The following OBSL1 variants were observed in gnomAD, a reference collection of about 807,000 sequenced individuals.
OBSL1 encodes the protein obscurin-like protein 1.
OBSL1 carries 160 observed loss-of-function variants against 172.0 expected under a neutral mutation model. The ratio of observed to expected loss-of-function variants is 0.93; its 90% CI spans 0.82 to 1.06. The LOEUF is 1.06. Among genes scored for constraint, OBSL1 ranks in the 50% least tolerant of loss-of-function variants. The pLI is 0.00. For missense variants in OBSL1, 2,681 were observed against 2,715.4 expected, an observed-to-expected ratio of 0.99 and a Z score of 0.28; for synonymous variants, 1,200 against 1,196.3, an observed-to-expected ratio of 1.00 and a Z score of -0.06.
chr2:219,552,792 T>C, intron 17 of OBSL1, 76 bp downstream of exon 17: 1 of 1,519,998 alleles, frequency 6.6e-7, no homozygotes, highest in Non-Finnish European at 8.9e-7. Flanking sequence ...CGCGCGGTCA[T>C]CAGGGTCCGG....
In OBSL1 at chr2:219,568,903, C is replaced by A. The variant is rs368402133; in HGVS notation, c.1013-579G>T. On this transcript the variant is annotated intron_variant, in intron 1 of 20. Coordinates refer to ENST00000404537, the MANE Select transcript of OBSL1 (RefSeq NM_015311.3). This position sits in a 1 kb window ranked among gnomAD's most constrained non-coding sequence, Gnocchi z 4.1. ...CTGGGATTACAGGCAGGCGCCACCA[C>A]GCCTGGCTAATGATTTTGTATTTTT... Among the ~76,000 whole-genome samples the A allele has an allele frequency of 1.3e-5, 2 of 151,808 alleles. No individual in the cohort carries two copies. Among genetic ancestry groups the A allele is most frequent in the African/African-American group, 4.8e-5 (2 of 41,344 alleles).
At chr2:219,550,113 G>C (rs1321835101), downstream of OBSL1, 5 of 453,898 alleles carry the variant, frequency 1.1e-5, no homozygotes, top group Non-Finnish European at 2.0e-5. Flanking sequence ...TGTGTTGCCC[G>C]TGTGTCTGTG....
rs895557969 is a variant in OBSL1 at position 219,559,374 on chromosome 2, C to G, written c.3077G>C (p.Gly1026Ala). The G allele has an allele frequency of 3.1e-6, 5 of 1,614,014 alleles. No homozygotes were observed. Among genetic ancestry groups the G allele is most frequent in the Non-Finnish European group, 3.4e-6 (4 of 1,179,894 alleles). Residue 1026 changes from glycine (G) to alanine (A), a missense_variant, in exon 9 of 21, where the codon GGG becomes GCG. Coordinates refer to ENST00000404537, the MANE Select transcript of OBSL1 (RefSeq NM_015311.3). ...GGCCTCGCTCTCCTCCACTTCCAGC[C>G]CATCCTTGTACCAGCGCACAGGGGC... ...EDAPVRWYKD[G>A]LEVEESEALV...
In OBSL1 at chr2:219,552,874, C is replaced by T. The variant is rs1170611857; in HGVS notation, c.5140G>A (p.Val1714Met). 2 of 1,542,484 alleles carry T rather than the reference C, an allele frequency of 1.3e-6. No homozygotes were observed. The highest frequency in any genetic ancestry group is 2.5e-5 in the East Asian group (1 of 40,490). ...TARAGPVRLT[V>M]RERTVAVLSE... Reference sequence around the variant, plus strand: ...CACATCACCCCGTACCCACCGCGCACGGTCAGGCGGACCGGTCCGGCGCGG... The same window carrying T: ...CACATCACCCCGTACCCACCGCGCATGGTCAGGCGGACCGGTCCGGCGCGG... The change falls in exon 17 of 21, where the codon GTG becomes ATG. Residue 1714 changes from valine (V) to methionine (M), a missense_variant. Val to Met is a conservative substitution (Grantham distance 21, BLOSUM62 1). Transcript: ENST00000404537.
Position 219,571,436 on chromosome 2 carries a change from T to C in OBSL1, c.-204A>G, listed in dbSNP as rs547192660. The C allele has an allele frequency of 6.2e-3, 2,003 of 322,978 alleles. 48 individuals are homozygous for C. Among genetic ancestry groups the C allele is most frequent in the African/African-American group, 0.039 (1,792 of 46,080 alleles). The allele number at this position is 322,978 out of a possible 1,614,324, so 20.0% of individuals were successfully genotyped here. A position where few individuals can be genotyped will look rare whatever the true frequency, so the allele number is the denominator to read the frequency against. Reference sequence around the variant, plus strand: ...AGCTCTGCGGCGGCGGCGGCGGCGATTCCCGGGCCCGAAGCCTGGCGCTCA... The same window carrying C: ...AGCTCTGCGGCGGCGGCGGCGGCGACTCCCGGGCCCGAAGCCTGGCGCTCA... On this transcript the variant is annotated 5_prime_UTR_variant, in exon 1 of 21. Transcript: ENST00000404537.
At chr2:219,550,031 C>A, downstream of OBSL1, 1 of 795,648 alleles carries the variant, frequency 1.3e-6, no homozygotes. Flanking sequence ...GGAAAGCCCC[C>A]TCCCAAGCTC....
intron 6 of OBSL1, 106 bp downstream of exon 6, chr2:219,565,136 T>C: frequency 8.3e-7 from 1 of 1,207,438 alleles, no homozygotes; most frequent in South Asian, 1.6e-5. Flanking sequence ...CACTGGACTC[T>C]CCCTGTAAAG....
chr2:219,563,891 A>G (rs1696683141), intron 6 of OBSL1, among the ~76,000 whole-genome samples: 1 of 152,178 alleles, frequency 6.6e-6, no homozygotes, highest in South Asian at 2.1e-4. Context: ...AGAAGGAAGC[A>G]CAGAGAGTTC....
rs771613521 is a variant in OBSL1 at position 219,554,689 on chromosome 2, C to A, written c.4661G>T (p.Gly1554Val). 25 of 1,588,828 alleles carry A rather than the reference C, an allele frequency of 1.6e-5. No homozygotes were observed. Among genetic ancestry groups the A allele is most frequent in the Non-Finnish European group, 2.1e-5 (24 of 1,167,528 alleles). Residue 1554 changes from glycine (G) to valine (V), a missense_variant, in exon 15 of 21, where the codon GGG (glycine) becomes GTG (valine). Coordinates refer to ENST00000404537, the MANE Select transcript of OBSL1 (RefSeq NM_015311.3). Reference protein sequence around the residue: ...RPLEDVTISEGGSATFQLELS... With the variant: ...RPLEDVTISEVGSATFQLELS... ...CTCCAGCTGGAAGGTGGCACTGCCC[C>A]CCTCACTGATGGTCACGTCCTCCAG...
At chr2:219,558,135 C>T (rs774948703) in intron 10 of OBSL1, 25 bp from the exon 11 acceptor site, 4 of 1,611,408 alleles carry the variant, frequency 2.5e-6, no homozygotes, top group Admixed American at 1.7e-5. Context: ...AAGGTGTCAT[C>T]CCATGCTTGC....
chr2:219,566,369 ACT>A (rs1488456156), intron 5 of OBSL1, among the ~76,000 whole-genome samples: 1 of 151,294 alleles, frequency 6.6e-6, no homozygotes, highest in Non-Finnish European at 1.5e-5. Context: ...ACAGAGTGAG[ACT>A]CTATCTCAAA....
In OBSL1 at chr2:219,570,708, G is replaced by A; in HGVS notation, c.525C>T (p.Ser175=). 2 of 1,510,168 alleles carry A rather than the reference G, an allele frequency of 1.3e-6. No individual in the cohort carries two copies. Among genetic ancestry groups the A allele is most frequent in the Non-Finnish European group, 1.8e-6 (2 of 1,135,856 alleles). 93.5% of individuals were successfully genotyped at this position (1,510,168 alleles called of 1,614,324 possible). ...CGCGGCCCGGCTGGAGCGCGAAGTG[G>A]CTGCTGTCCCACACTTCGTCCAGGG... ...GMALDEVWDS[S]HFALQPGRAE... is the part of the protein sequence containing the mutation. The change falls in exon 1 of 21, where the codon AGC becomes AGT. Residue 175 remains serine (S), a synonymous_variant. Transcript: ENST00000404537.
intron 18 of OBSL1, 68 bp downstream of exon 18, chr2:219,552,468 T>G (rs1024973418): frequency 7.6e-6 from 11 of 1,444,518 alleles, no homozygotes; most frequent in African/African-American, 3.0e-5. Context: ...CTTGTCCCGG[T>G]GGGGCGGGAT....
At position 219,568,947 on chromosome 2, in the gene OBSL1, C is replaced by A. The variant is rs1358728098; in HGVS notation, c.1013-623G>T. Among the ~76,000 whole-genome samples, 1 of 151,830 alleles carries A rather than the reference C, an allele frequency of 6.6e-6. No individual in the cohort carries two copies. The highest frequency in any genetic ancestry group is 2.4e-5 in the African/African-American group (1 of 41,326). On this transcript the variant is annotated intron_variant, in intron 1 of 20. Coordinates refer to ENST00000404537, the MANE Select transcript of OBSL1 (RefSeq NM_015311.3). The surrounding 1 kb of genome is among the most constrained non-coding windows in gnomAD (Gnocchi z 4.1). ...TATTTTTAGTAGAGATGGGGTTTTGCCATGTTGGCCAGGCTGTTCTCGAAC... is the reference window on the plus strand; with the variant it reads ...TATTTTTAGTAGAGATGGGGTTTTGACATGTTGGCCAGGCTGTTCTCGAAC...
chr2:219,549,914 A>G, downstream of OBSL1: 15 of 1,582,076 alleles, frequency 9.5e-6, no homozygotes, highest in Non-Finnish European at 1.3e-5. Context: ...GAGGCCTGCT[A>G]GGCTGCCACT....
rs1696176485 is a variant in OBSL1, at chr2:219,558,180, C to A, written c.3502+4G>T. The A allele has an allele frequency of 6.2e-7, 1 of 1,607,798 alleles. No homozygotes were observed. Among genetic ancestry groups the A allele is most frequent in the African/African-American group, 1.3e-5 (1 of 74,926 alleles). On this transcript the variant is annotated splice_donor_region_variant and intron_variant, in intron 10 of 20. Coordinates refer to ENST00000404537, the MANE Select transcript of OBSL1 (RefSeq NM_015311.3). The stretch of plus-strand genomic sequence containing the variant: ...CCTGCCCTGGGTTGGCCAGGAGCAC[C>A]CACCAGCCAGGATGACATTGAAGGT...
At position 219,557,691 on chromosome 2, in the gene OBSL1, C is replaced by T. The variant is rs1000161913; in HGVS notation, c.3791-73G>A. Reference sequence around the variant, plus strand: ...TTGAGGAGGGCACGGGGAGGCATGACGGGGAAGGTACTGAGAGAAGTGGGG... The same window carrying T: ...TTGAGGAGGGCACGGGGAGGCATGATGGGGAAGGTACTGAGAGAAGTGGGG... On this transcript the variant is annotated intron_variant, in intron 11 of 20. Transcript: ENST00000404537. 2.1e-5 allele frequency: 31 copies of T among 1,508,768 alleles called. No individual in the cohort carries two copies. In the East Asian group the frequency reaches 3.5e-4, roughly 17 times the overall value. The allele number at this position is 1,508,768 out of a possible 1,614,324, so 93.5% of individuals were successfully genotyped here.
downstream of OBSL1, among the ~76,000 whole-genome samples, chr2:219,548,662 G>GT (rs1347087248): frequency 6.6e-6 from 1 of 152,188 alleles, no homozygotes; most frequent in Non-Finnish European, 1.5e-5. Flanking sequence ...GAGTGATTGC[G>GT]TGGACCCTCT....
intron 7 of OBSL1, 95 bp downstream of exon 7, chr2:219,563,260 G>A (rs758654164): frequency 3.8e-5 from 49 of 1,302,358 alleles, no homozygotes; most frequent in East Asian, 2.5e-4. Context: ...CAGTAGGGGC[G>A]GGGAACAGTG....
Sources: allele counts gnomAD v4.1 joint callset (sites outside exome capture counted in the v4.1 genomes callset), GRCh38; gene constraint gnomAD v4.1.1; non-coding constraint Gnocchi (gnomAD v3.1); transcripts MANE v1.5; gene names NCBI Gene and HGNC (gene_info 2026-07-23, HGNC 2026-07-21).